The following ZNF207 variants were observed in gnomAD, a reference collection of about 807,000 sequenced individuals.
ZNF207 encodes the protein BUB3-interacting and GLEBS motif-containing protein ZNF207.
A neutral mutation model predicts 60.2 loss-of-function variants in ZNF207; 24 were observed. The observed-to-expected ratio is 0.40, with a 90% CI of 0.29 to 0.56. The LOEUF is 0.56. Among genes scored for constraint, ZNF207 ranks in the 20% least tolerant of loss-of-function variants. ZNF207 has a pLI of 0.49. For synonymous variants in ZNF207, 236 were observed against 194.7 expected (o/e 1.21, Z -1.77); for missense variants, 452 against 636.6 (o/e 0.71, Z 3.12).
Position 32,372,929 on chromosome 17 carries a change from A to G in ZNF207, c.*3170A>G, listed in dbSNP as rs1204860158. On this transcript the variant is annotated 3_prime_UTR_variant, in exon 12 of 12. Transcript: ENST00000394670. The stretch of plus-strand genomic sequence containing the variant: ...AAGCTGTAAGGTTAGTAGGGCTGGC[A>G]ACTTTGGCTCTACCTTACATCCACC... 6.6e-6 allele frequency: 1 copy of G among 152,308 alleles called. No individual in the cohort carries two copies. The highest frequency in any genetic ancestry group is 1.5e-5 in the Non-Finnish European group (1 of 68,110). 9.4% of individuals were successfully genotyped at this position (152,308 alleles called of 1,614,324 possible).
At position 32,351,828 on chromosome 17, in the gene ZNF207, G is replaced by A. The variant is rs1418393856; in HGVS notation, c.84G>A (p.Gln28=). Residue 28 remains glutamine, a synonymous_variant, in exon 2 of 12, where the codon CAG becomes CAA. Coordinates refer to ENST00000394670, the MANE Select transcript of ZNF207 (RefSeq NM_001098507.2). ...RDFDDEKILI[Q]HQKAKHFKCH... is the part of the protein sequence containing the mutation. ...TTGATGATGAGAAGATCCTTATTCA[G>A]CACCAAAAAGCAAAGCATTTTAAAT... is the stretch of plus-strand genomic sequence containing the variant. 2 of 1,610,594 alleles carry A rather than the reference G, an allele frequency of 1.2e-6. No individual in the cohort carries two copies. Among genetic ancestry groups the A allele is most frequent in the African/African-American group, 1.3e-5 (1 of 74,946 alleles).
intron 2 of ZNF207, among the ~76,000 whole-genome samples, chr17:32,355,747 G>A (rs182520967): frequency 2.6e-5 from 4 of 152,294 alleles, no homozygotes; most frequent in Admixed American, 2.6e-4. Flanking sequence ...GGAGATGAAA[G>A]GTAGGAAAAC....
Position 32,374,024 on chromosome 17 carries a change from G to A in ZNF207, c.*4265G>A, listed in dbSNP as rs1041828987. On this transcript the variant is annotated 3_prime_UTR_variant, in exon 12 of 12. Transcript: ENST00000394670. ...TGATTCTCCTGCCTCAGCCTCCCGAGTAGCTGGGATTATAGGCTCCCGCCA... is the reference window on the plus strand; with the variant it reads ...TGATTCTCCTGCCTCAGCCTCCCGAATAGCTGGGATTATAGGCTCCCGCCA... The A allele has an allele frequency of 1.3e-5, 2 of 152,110 alleles. No homozygotes were observed. The highest frequency in any genetic ancestry group is 4.8e-5 in the African/African-American group (2 of 41,312). 9.4% of individuals were successfully genotyped at this position (152,110 alleles called of 1,614,324 possible).
At chr17:32,367,074 T>G (rs1178601290) in intron 9 of ZNF207, among the ~76,000 whole-genome samples, 2 of 151,568 alleles carry the variant, frequency 1.3e-5, no homozygotes, top group Non-Finnish European at 2.9e-5. Context: ...GTAAGAAAAT[T>G]TAATACTGCT....
At chr17:32,361,565 T>G (rs1334853141) in intron 6 of ZNF207, 50 bp downstream of exon 6, 1 of 1,521,440 alleles carries the variant, frequency 6.6e-7, no homozygotes, top group Non-Finnish European at 9.0e-7. Context: ...CATACTGTCA[T>G]TTTTTTATGT....
At chr17:32,355,276 C>A (rs1904441033) in intron 2 of ZNF207, among the ~76,000 whole-genome samples, 1 of 152,158 alleles carries the variant, frequency 6.6e-6, no homozygotes, top group Non-Finnish European at 1.5e-5. Context: ...TGTGTCCCAG[C>A]TACTCAGGAG....
At chr17:32,363,529 CTTTTTTTTTTTTTTT>C (rs746944466) in intron 7 of ZNF207, among the ~76,000 whole-genome samples, 3 of 69,616 alleles carry the variant, frequency 4.3e-5, no homozygotes, top group African/African-American at 1.6e-4. Context: ...ATCCAACAAA[CTTTTTTTTTTTTTTT>C]TTTTTTTTTT....
intron 6 of ZNF207, among the ~76,000 whole-genome samples, chr17:32,362,430 T>A (rs1365087336): frequency 1.3e-5 from 2 of 152,218 alleles, no homozygotes; most frequent in African/African-American, 2.4e-5. Context: ...TCAAAACTTC[T>A]GGGATTATAG....
intron 11 of ZNF207, 72 bp from the exon 12 acceptor site, chr17:32,369,527 C>T: frequency 6.3e-7 from 1 of 1,595,368 alleles, no homozygotes; most frequent in Non-Finnish European, 8.6e-7. Context: ...AATTTATCTG[C>T]AGCATACGTT....
chr17:32,374,221 T>TTG lies in ZNF207; in HGVS notation c.*4463_*4464insGT, dbSNP rs1905590530. 7.6e-6 allele frequency: 1 copy of TTG among 131,368 alleles called. No homozygotes were observed. 8.1% of individuals were successfully genotyped at this position (131,368 alleles called of 1,614,324 possible). On this transcript the variant is annotated 3_prime_UTR_variant, in exon 12 of 12. Coordinates refer to ENST00000394670, the MANE Select transcript of ZNF207 (RefSeq NM_001098507.2). The stretch of plus-strand genomic sequence containing the variant: ...GGCCAAAATCTGCATTCTTTTTTTT[T>TTG]TTTTTTTTTTTTTTTTGAGACTGTC...
rs1390575566 is a variant in ZNF207, at chr17:32,374,753, GAT to G, written c.*4995_*4996del. The G allele has an allele frequency of 6.6e-6, 1 of 152,170 alleles. No homozygotes were observed. Among genetic ancestry groups the G allele is most frequent in the Non-Finnish European group, 1.5e-5 (1 of 68,038 alleles). The allele number at this position is 152,170 out of a possible 1,614,324, so 9.4% of individuals were successfully genotyped here. A position where few individuals can be genotyped will look rare whatever the true frequency, so the allele number is the denominator to read the frequency against. ...TGTTACAGACCTTTCAGCATGGATG[GAT>G]TACTAATTTTCAGGTATCGAAACTG... is the stretch of plus-strand genomic sequence containing the variant. On this transcript the variant is annotated 3_prime_UTR_variant, in exon 12 of 12. Transcript: ENST00000394670.
chr17:32,368,491 G>C, intron 10 of ZNF207: 1 of 165,080 alleles, frequency 6.1e-6, no homozygotes, highest in Non-Finnish European at 1.3e-5. Flanking sequence ...CACTTGATCA[G>C]GAGTTCAAGA....
chr17:32,358,676 ATT>A, intron 3 of ZNF207, 35 bp downstream of exon 3: 1 of 1,332,312 alleles, frequency 7.5e-7, no homozygotes, highest in Non-Finnish European at 9.7e-7. Context: ...TTATTTATTT[ATT>A]TTTTTTAATT....
At chr17:32,368,733 AG>A (rs1411986738) in intron 10 of ZNF207, 1 of 150,724 alleles carries the variant, frequency 6.6e-6, no homozygotes, top group Non-Finnish European at 1.5e-5. Context: ...CCGGGCGCGC[AG>A]TGGCTCACAC....
rs1218581921 is a variant in ZNF207 at position 32,380,553 on chromosome 17, G to C, written c.*10794G>C. The C allele has an allele frequency of 1.3e-5, 2 of 152,056 alleles. No homozygotes were observed. Among genetic ancestry groups the C allele is most frequent in the Non-Finnish European group, 2.9e-5 (2 of 68,016 alleles). The allele number at this position is 152,056 out of a possible 1,614,324, so 9.4% of individuals were successfully genotyped here. On this transcript the variant is annotated 3_prime_UTR_variant, in exon 12 of 12. Coordinates refer to ENST00000394670, the MANE Select transcript of ZNF207 (RefSeq NM_001098507.2). ...GTTTATTTAAGTCTTCTGTTTTTCA[G>C]CTCCAGTTAAAACTGACAATAGGCA...
In ZNF207 at chr17:32,350,435, G is replaced by T. The variant is rs539549935; in HGVS notation, c.41+109G>T. 1.5e-5 allele frequency: 21 copies of T among 1,423,298 alleles called. No individual in the cohort carries two copies. In the East Asian group the frequency reaches 2.7e-4, roughly 19 times the overall value. 88.2% of individuals were successfully genotyped at this position (1,423,298 alleles called of 1,614,324 possible). A position where few individuals can be genotyped will look rare whatever the true frequency, so the allele number is the denominator to read the frequency against. ...CGGCGTGGAGCGTTTGTATTTAGGC[G>T]TCTGCGTGGGTGGCCTGGTGGCTGG... On this transcript the variant is annotated intron_variant, in intron 1 of 11. Transcript: ENST00000394670.
At chr17:32,369,273 C>T (rs2286645) in intron 10 of ZNF207, 22 bp from the exon 11 acceptor site, 955,173 of 1,609,798 alleles carry the variant, frequency 0.59, 291,341 homozygotes, top group African/African-American at 0.72. Flanking sequence ...GTATTTAGCC[C>T]TGCGCTTATT....
chr17:32,366,851 T>C, intron 9 of ZNF207, 94 bp downstream of exon 9: 1 of 1,133,600 alleles, frequency 8.8e-7, no homozygotes, highest in Non-Finnish European at 1.2e-6. Context: ...TCCAAAAATA[T>C]ACTGTGTTTA....
intron 9 of ZNF207, among the ~76,000 whole-genome samples, chr17:32,367,011 G>C (rs1461205813): frequency 1.3e-5 from 2 of 151,810 alleles, no homozygotes; most frequent in South Asian, 2.1e-4. Context: ...TGGTTAGCCT[G>C]ATGCATGATT....
Sources: gnomAD v4.1 joint callset for allele counts (sites outside exome capture counted in the v4.1 genomes callset) on GRCh38, gnomAD v4.1.1 for gene constraint, MANE v1.5 for transcripts, NCBI Gene and HGNC (gene_info 2026-07-23, HGNC 2026-07-21) for gene names.